The following CAMTA1 variants were observed in gnomAD, a reference collection of about 807,000 sequenced individuals.
The protein encoded by CAMTA1 is calmodulin binding transcription activator 1, also known as calmodulin-binding transcription activator 1.
A neutral mutation model predicts 170.9 loss-of-function variants in CAMTA1; 27 were observed. That is an observed-to-expected ratio of 0.16 (90% CI 0.12 to 0.22). The LOEUF (loss-of-function observed/expected upper bound fraction) is 0.22. Among genes scored for constraint, CAMTA1 ranks in the 10% least tolerant of loss-of-function variants. CAMTA1 has a pLI of 1.00. For missense variants in CAMTA1, 1,619 were observed against 2,217.2 expected (o/e 0.73, Z 5.42); for synonymous variants, 833 against 891.5 (o/e 0.93, Z 1.17).
chr1:7,640,329 G>C (rs2095751065), intron 6 of CAMTA1, 71 bp from the exon 7 acceptor site: 1 of 1,564,160 alleles, frequency 6.4e-7, no homozygotes, highest in Admixed American at 1.7e-5. Flanking sequence ...GCACCTGCGG[G>C]GTTGGGGGCG....
At chr1:7,088,110 G>A (rs946151328) in intron 3 of CAMTA1, among the ~76,000 whole-genome samples, 2 of 152,214 alleles carry the variant, frequency 1.3e-5, no homozygotes, top group Admixed American at 1.3e-4. Context: ...TGGGACAGTC[G>A]ATGGCGGGTG....
At chr1:7,418,882 C>T (rs1461007984) in intron 5 of CAMTA1, among the ~76,000 whole-genome samples, 1 of 152,126 alleles carries the variant, frequency 6.6e-6, no homozygotes, top group African/African-American at 2.4e-5. Flanking sequence ...GAATCTGGAC[C>T]ACCATAGCCA....
intron 4 of CAMTA1, among the ~76,000 whole-genome samples, chr1:7,208,506 G>T (rs1658170372): frequency 6.6e-6 from 1 of 152,156 alleles, no homozygotes; most frequent in South Asian, 2.1e-4. Flanking sequence ...GCTACATAGG[G>T]CAGGGGCTTG....
chr1:6,798,510 C>G (rs895555993), intron 1 of CAMTA1, among the ~76,000 whole-genome samples: 1 of 151,710 alleles, frequency 6.6e-6, no homozygotes, highest in Non-Finnish European at 1.5e-5. Flanking sequence ...CTCCACTTCT[C>G]GAGTTCACGC....
chr1:7,085,290 G>A (rs1006353883), intron 3 of CAMTA1, among the ~76,000 whole-genome samples: 1 of 152,226 alleles, frequency 6.6e-6, no homozygotes, highest in Non-Finnish European at 1.5e-5. Flanking sequence ...TAGGGCCCGA[G>A]CCTCGATGGC....
intron 4 of CAMTA1, 40 bp downstream of exon 4, chr1:7,091,411 TA>T (rs1641444999): frequency 6.8e-7 from 1 of 1,461,078 alleles, no homozygotes; most frequent in Non-Finnish European, 9.6e-7. Flanking sequence ...ATGTGTACCA[TA>T]AGTGGATTGA....
At chr1:7,316,071 C>T (rs906431093) in intron 5 of CAMTA1, among the ~76,000 whole-genome samples, 1 of 152,080 alleles carries the variant, frequency 6.6e-6, no homozygotes, top group African/African-American at 2.4e-5. Context: ...GGAGAAGAGC[C>T]CCTTATAAAA....
At chr1:7,233,060 G>A (rs974691060) in intron 4 of CAMTA1, among the ~76,000 whole-genome samples, 5 of 150,958 alleles carry the variant, frequency 3.3e-5, no homozygotes, top group African/African-American at 9.7e-5. Flanking sequence ...TCATTGTCTC[G>A]AAAGCTCCCA....
In CAMTA1 at chr1:7,641,374, G is replaced by A. The variant is rs1267856832; in HGVS notation, c.664+821G>A. ...TGCCATCAGCAGGGCCTGAGGGGGTGGGTCAGTGGCTCACTCAGAAGCAGA... is the reference window on the plus strand; with the variant it reads ...TGCCATCAGCAGGGCCTGAGGGGGTAGGTCAGTGGCTCACTCAGAAGCAGA... On this transcript the variant is annotated intron_variant, in intron 7 of 22. Transcript: ENST00000303635. This position sits in a 1 kb window ranked among gnomAD's most constrained non-coding sequence, Gnocchi z 4.5. Among the ~76,000 whole-genome samples, 1 of 152,226 alleles carries A rather than the reference G, an allele frequency of 6.6e-6. No homozygotes were observed. The highest frequency in any genetic ancestry group is 1.5e-5 in the Non-Finnish European group (1 of 68,028).
At chr1:6,993,399 G>A (rs1180745296) in intron 3 of CAMTA1, among the ~76,000 whole-genome samples, 1 of 152,006 alleles carries the variant, frequency 6.6e-6, no homozygotes, top group Non-Finnish European at 1.5e-5. Context: ...AGTTTTCAGT[G>A]TGGAGATTTT....
Position 7,079,044 on chromosome 1 carries a change from A to G in CAMTA1, c.235-12260A>G, listed in dbSNP as rs545070254. Among the ~76,000 whole-genome samples the G allele has an allele frequency of 7.7e-4, 117 of 152,338 alleles. 1 individual carries two copies. The highest frequency in any genetic ancestry group is 2.8e-3 in the African/African-American group (115 of 41,568). Reference sequence around the variant, plus strand: ...AACCCCACAAAACTGGACAAAGTGCACATAGGGGCTATAAAATTCACAGAG... The same window carrying G: ...AACCCCACAAAACTGGACAAAGTGCGCATAGGGGCTATAAAATTCACAGAG... On this transcript the variant is annotated intron_variant, in intron 3 of 22. Coordinates refer to ENST00000303635, the MANE Select transcript of CAMTA1 (RefSeq NM_015215.4).
chr1:7,458,042 T>C (rs536506992), intron 5 of CAMTA1, among the ~76,000 whole-genome samples: 2 of 152,312 alleles, frequency 1.3e-5, no homozygotes, highest in East Asian at 1.9e-4. Flanking sequence ...CTTCTGGCTG[T>C]TTCCCTCACC....
At chr1:7,489,891 A>G (rs55651076) in intron 6 of CAMTA1, among the ~76,000 whole-genome samples, 2,214 of 152,228 alleles carry the variant, frequency 0.015, 55 homozygotes, top group African/African-American at 0.05. Flanking sequence ...AGACGGGGTG[A>G]CTGGCTACTG....
intron 5 of CAMTA1, among the ~76,000 whole-genome samples, chr1:7,327,406 C>CAAAAAAA (rs34737058): frequency 3.8e-4 from 33 of 87,786 alleles, no homozygotes; most frequent in East Asian, 1.5e-3. Flanking sequence ...GACTCCATCT[C>CAAAAAAA]AAAAAAAAAA....
At chr1:7,618,442 C>A (rs1351334811) in intron 6 of CAMTA1, among the ~76,000 whole-genome samples, 4 of 152,198 alleles carry the variant, frequency 2.6e-5, no homozygotes, top group Non-Finnish European at 4.4e-5. Flanking sequence ...GCTCTCAACT[C>A]TGCACCTTTG....
intron 4 of CAMTA1, among the ~76,000 whole-genome samples, chr1:7,209,338 T>C (rs898789125): frequency 2.6e-5 from 4 of 152,234 alleles, no homozygotes; most frequent in Non-Finnish European, 5.9e-5. Flanking sequence ...CATTGGCTTT[T>C]AAAATATTGC....
rs886722907 is a variant in CAMTA1, at chr1:7,435,560, G to A, written c.439-32270G>A. On this transcript the variant is annotated intron_variant, in intron 5 of 22. Coordinates refer to ENST00000303635, the MANE Select transcript of CAMTA1 (RefSeq NM_015215.4). This position sits in a 1 kb window ranked among gnomAD's most constrained non-coding sequence, Gnocchi z 4.4. ...GTGGGCTCTTCAGGGTTCTCAGCCT[G>A]GTTCACTGTGGTGGCAGTGGAGCGC... Among the ~76,000 whole-genome samples the A allele has an allele frequency of 6.6e-6, 1 of 152,220 alleles. No individual in the cohort carries two copies. Among genetic ancestry groups the A allele is most frequent in the African/African-American group, 2.4e-5 (1 of 41,452 alleles).
In CAMTA1 at chr1:7,234,379, C is replaced by T. The variant is rs1220375868; in HGVS notation, c.303-15112C>T. ...ACCCACTCACAGCTGTTCTCAAACC[C>T]ACTCATTCGCTATCTCTGGTGGGTC... On this transcript the variant is annotated intron_variant, in intron 4 of 22. Transcript: ENST00000303635. The surrounding 1 kb of genome is among the most constrained non-coding windows in gnomAD (Gnocchi z 5.0). Among the ~76,000 whole-genome samples, 3 of 152,188 alleles carry T rather than the reference C, an allele frequency of 2.0e-5. No individual in the cohort carries two copies. Among genetic ancestry groups the T allele is most frequent in the Non-Finnish European group, 4.4e-5 (3 of 68,044 alleles).
intron 5 of CAMTA1, among the ~76,000 whole-genome samples, chr1:7,345,825 C>T (rs188309156): frequency 2.6e-5 from 4 of 152,296 alleles, no homozygotes; most frequent in African/African-American, 9.6e-5. Flanking sequence ...CACTGACCTA[C>T]CTGCCTTTCT....
Sources: gnomAD v4.1 joint callset for allele counts (sites outside exome capture counted in the v4.1 genomes callset) on GRCh38, gnomAD v4.1.1 for gene constraint, Gnocchi (gnomAD v3.1) non-coding constraint, MANE v1.5 for transcripts, NCBI Gene and HGNC (gene_info 2026-07-23, HGNC 2026-07-21) for gene names.